The following ZFYVE9 variants were observed in gnomAD, a reference collection of about 807,000 sequenced individuals.
ZFYVE9 encodes zinc finger FYVE-type containing 9.
Under a neutral mutation model 126.7 loss-of-function variants are expected in ZFYVE9, and 43 were observed. The ratio of observed to expected loss-of-function variants is 0.34; its 90% CI spans 0.27 to 0.44. The LOEUF (loss-of-function observed/expected upper bound fraction) is 0.44, where lower values mean the gene tolerates loss of function less well. Ranked by LOEUF, ZFYVE9 falls within the 20% of genes least tolerant of loss-of-function variation. ZFYVE9 has a pLI of 1.00. For missense variants in ZFYVE9, 1,476 were observed against 1,697.0 expected, an observed-to-expected ratio of 0.87 and a Z score of 2.29; for synonymous variants, 521 against 597.4, an observed-to-expected ratio of 0.87 and a Z score of 1.87.
In ZFYVE9 at chr1:52,242,604, C is replaced by T. The variant is rs1010562042; in HGVS notation, c.2178+3009C>T. ...ATGATGGTATCAAATTTAGATATAA[C>T]GGGTGTAAGAACTTTGGAAAATATT... On this transcript the variant is annotated intron_variant, in intron 4 of 18. Transcript: ENST00000287727. Among the ~76,000 whole-genome samples the T allele has an allele frequency of 2.3e-4, 35 of 151,314 alleles. 1 individual carries two copies. The highest frequency in any genetic ancestry group is 4.9e-5 in the African/African-American group (2 of 41,076).
chr1:52,262,175 C>T (rs1645585818), intron 4 of ZFYVE9, among the ~76,000 whole-genome samples: 1 of 152,226 alleles, frequency 6.6e-6, no homozygotes, highest in South Asian at 2.1e-4. Flanking sequence ...GCTGTGTTCT[C>T]ACTCTAACTT....
chr1:52,331,223 G>C (rs933175024), intron 13 of ZFYVE9, among the ~76,000 whole-genome samples: 5 of 152,116 alleles, frequency 3.3e-5, no homozygotes, highest in Non-Finnish European at 7.3e-5. Context: ...TAAGTTTCCA[G>C]TTAGATGTTT....
intron 10 of ZFYVE9, 59 bp from the exon 11 acceptor site, chr1:52,293,394 A>G (rs1291678361): frequency 4.5e-6 from 6 of 1,322,746 alleles, no homozygotes; most frequent in African/African-American, 1.5e-5. Context: ...AAAAAAAAAA[A>G]AAAAGAAATA....
intron 2 of ZFYVE9, among the ~76,000 whole-genome samples, chr1:52,224,668 C>T (rs1645153575): frequency 6.6e-6 from 1 of 152,182 alleles, no homozygotes; most frequent in South Asian, 2.1e-4. Flanking sequence ...TTATCATACG[C>T]TGTCTTTTCT....
intron 13 of ZFYVE9, among the ~76,000 whole-genome samples, chr1:52,314,243 A>G (rs1241080608): frequency 6.6e-6 from 1 of 152,250 alleles, no homozygotes; most frequent in Non-Finnish European, 1.5e-5. Context: ...TCTTCCTTAT[A>G]TACTTAGGTA....
At chr1:52,193,040 G>A (rs1644829667) in intron 1 of ZFYVE9, among the ~76,000 whole-genome samples, 2 of 152,066 alleles carry the variant, frequency 1.3e-5, no homozygotes, top group South Asian at 4.2e-4. Flanking sequence ...GATGTCCAAG[G>A]TCAGACATCT....
At chr1:52,312,982 TAAG>T (rs1474734442) in intron 13 of ZFYVE9, among the ~76,000 whole-genome samples, 2 of 152,092 alleles carry the variant, frequency 1.3e-5, no homozygotes, top group Non-Finnish European at 2.9e-5. Flanking sequence ...GGTGTCCTTA[TAAG>T]AAGGGGAAAT....
intron 1 of ZFYVE9, among the ~76,000 whole-genome samples, chr1:52,197,087 CAGA>C (rs1445956709): frequency 6.6e-6 from 1 of 151,784 alleles, no homozygotes; most frequent in Non-Finnish European, 1.5e-5. Context: ...GAGGAGGAGG[CAGA>C]AGTAGATATA....
rs1471820664 is a variant in ZFYVE9 at position 52,154,663 on chromosome 1, TA to T, written c.-143+12262del. Among the ~76,000 whole-genome samples, 6 of 152,322 alleles carry T rather than the reference TA, an allele frequency of 3.9e-5. No individual in the cohort carries two copies. In the East Asian group the frequency reaches 1.2e-3, roughly 29 times the overall value. Reference sequence around the variant, plus strand: ...CTTTGTCCTTCTCCTTAAAGGCCTCTAACCAGTTGGCCAGTCTACTTGCCAT... The same window carrying T: ...CTTTGTCCTTCTCCTTAAAGGCCTCTACCAGTTGGCCAGTCTACTTGCCAT... On this transcript the variant is annotated intron_variant, in intron 1 of 18. Coordinates refer to ENST00000287727, the MANE Select transcript of ZFYVE9 (RefSeq NM_004799.4).
At chr1:52,243,676 A>T (rs944217619) in intron 4 of ZFYVE9, among the ~76,000 whole-genome samples, 17 of 151,928 alleles carry the variant, frequency 1.1e-4, no homozygotes, top group African/African-American at 3.9e-4. Context: ...TGTCCCAGCT[A>T]CTCCATAGGC....
At chr1:52,320,620 A>C (rs1275944494) in intron 13 of ZFYVE9, among the ~76,000 whole-genome samples, 2 of 152,230 alleles carry the variant, frequency 1.3e-5, no homozygotes, top group African/African-American at 2.4e-5. Flanking sequence ...CATACCATGT[A>C]CAAAAATTAA....
In ZFYVE9 at chr1:52,281,724, T is replaced by C. The variant is rs780837585; in HGVS notation, c.2933T>C (p.Ile978Thr). 1.9e-6 allele frequency: 3 copies of C among 1,614,102 alleles called. No individual in the cohort carries two copies. The highest frequency in any genetic ancestry group is 2.5e-6 in the Non-Finnish European group (3 of 1,180,036). The change falls in exon 10 of 19, where the codon ATA (isoleucine) becomes ACA (threonine). Residue 978 changes from isoleucine to threonine, a missense_variant. Transcript: ENST00000287727. ...KGMHAVGQSE[I>T]VILLQCLPDE... ...ATGCATGCAGTGGGTCAGTCTGAGA[T>C]AGTCATTCTTCTACAGTGTTTACCG...
In ZFYVE9 at chr1:52,217,923, G is replaced by A. The variant is rs1213745798; in HGVS notation, c.-37+1449G>A. Among the ~76,000 whole-genome samples the A allele has an allele frequency of 7.2e-5, 11 of 152,158 alleles. No individual in the cohort carries two copies. The South Asian group carries it at 2.1e-3, about 29-fold the overall frequency. ...CTGGCTGATGGGGCCTAGTTTCAGC[G>A]ATTCCTTTTATGGCATCTCTGGTAT... is the stretch of plus-strand genomic sequence containing the variant. On this transcript the variant is annotated intron_variant, in intron 2 of 18. Transcript: ENST00000287727.
intron 1 of ZFYVE9, among the ~76,000 whole-genome samples, chr1:52,211,873 A>G (rs1645031958): frequency 6.6e-6 from 1 of 152,170 alleles, no homozygotes; most frequent in Non-Finnish European, 1.5e-5. Flanking sequence ...TTCTTCTGTT[A>G]TAAACATGTT....
At chr1:52,191,647 G>T (rs1172197568) in intron 1 of ZFYVE9, among the ~76,000 whole-genome samples, 1 of 152,184 alleles carries the variant, frequency 6.6e-6, no homozygotes, top group East Asian at 1.9e-4. Context: ...GATACTTAGG[G>T]TTATTCAGGT....
intron 1 of ZFYVE9, among the ~76,000 whole-genome samples, chr1:52,208,592 G>A (rs968382541): frequency 2.0e-5 from 3 of 151,152 alleles, no homozygotes; most frequent in African/African-American, 7.3e-5. Flanking sequence ...ATCTCAGCCC[G>A]GCGCAATCTT....
chr1:52,340,149 A>G lies in ZFYVE9; in HGVS notation c.3857A>G (p.Lys1286Arg). 1.9e-6 allele frequency: 3 copies of G among 1,613,750 alleles called. No homozygotes were observed. Among genetic ancestry groups the G allele is most frequent in the Non-Finnish European group, 2.5e-6 (3 of 1,179,668 alleles). ...AGTGTCGTAAGTCCTATAGATGGGA[A>G]GTCCATGGAGACTATAACAAATGTG... ...SKGVVSPIDGKSMETITNVKI... is the reference protein window; with the variant it reads ...SKGVVSPIDGRSMETITNVKI... Residue 1286 changes from lysine (K) to arginine (R), a missense_variant, in exon 17 of 19, where the codon AAG becomes AGG. This residue lies in a region of ZFYVE9 where 669 missense variants were observed against 902.4 expected (regional missense o/e 0.74). Transcript: ENST00000287727.
chr1:52,293,461 G>A lies in ZFYVE9; in HGVS notation c.3034G>A (p.Val1012Met), dbSNP rs772972688. ...LYRDALAGNV[V>M]SNLGHSFFSQ... ...AACTTTTTTGTTTTTAGGGAATGTG[G>A]TGAGCAACTTGGGACATTCCTTCTT... The change falls in exon 11 of 19, where the codon GTG becomes ATG. Residue 1012 changes from valine (V) to methionine (M), a missense_variant. Val to Met is a conservative substitution (Grantham distance 21). This residue lies in a region of ZFYVE9 where 669 missense variants were observed against 902.4 expected (regional missense o/e 0.74). Coordinates refer to ENST00000287727, the MANE Select transcript of ZFYVE9 (RefSeq NM_004799.4). 5.0e-6 allele frequency: 8 copies of A among 1,612,144 alleles called. No homozygotes were observed. The East Asian group carries it at 1.3e-4, about 27-fold the overall frequency.
At chr1:52,318,370 A>G (rs12048182) in intron 13 of ZFYVE9, among the ~76,000 whole-genome samples, 2,111 of 144,404 alleles carry the variant, frequency 0.015, 68 homozygotes, top group African/African-American at 0.051. Flanking sequence ...GCATGATTGT[A>G]TGTGTGTGTG....
Sources: allele counts gnomAD v4.1 joint callset (sites outside exome capture counted in the v4.1 genomes callset), GRCh38; gene constraint gnomAD v4.1.1; regional missense constraint gnomAD v4.1.1; transcripts MANE v1.5; gene names NCBI Gene and HGNC (gene_info 2026-07-23, HGNC 2026-07-21).